Variants in TMEM276 observed in about 807,000 individuals in gnomAD.
The protein encoded by TMEM276 is transmembrane protein 276.
At chr8:144,466,967 G>T in the TMEM276 span, 1 of 1,594,236 alleles carries the variant, frequency 6.3e-7, no homozygotes. Flanking sequence ...AGCCAGCTCC[G>T]AGCCTGAGGA....
At chr8:144,466,917 A>C in the TMEM276 span, 8 of 1,571,666 alleles carry the variant, frequency 5.1e-6, no homozygotes, top group South Asian at 9.1e-5. Context: ...TGGCTCAAGC[A>C]CGTGACCCGA....
the TMEM276 span, chr8:144,466,604 G>C: frequency 1.1e-6 from 1 of 880,504 alleles, no homozygotes; most frequent in Non-Finnish European, 1.5e-6. Context: ...GGCGGGCACG[G>C]GGCGCGGGGC....
At chr8:144,466,631 G>C in the TMEM276 span, 1 of 915,636 alleles carries the variant, frequency 1.1e-6, no homozygotes, top group Non-Finnish European at 1.5e-6. Context: ...GCCGTGCCGA[G>C]GACCCTCGGC....
the TMEM276 span, chr8:144,464,345 A>C: frequency 6.2e-7 from 1 of 1,611,962 alleles, no homozygotes; most frequent in Non-Finnish European, 8.5e-7. Context: ...GCGACCACCA[A>C]CAGCATTGCC....
At chr8:144,464,229 C>G in the TMEM276 span, 2 of 1,613,086 alleles carry the variant, frequency 1.2e-6, no homozygotes, top group Non-Finnish European at 1.7e-6. Context: ...GCAGCAGCAG[C>G]CTGTCCTCCT....
chr8:144,464,066 C>T, the TMEM276 span: 3 of 1,558,254 alleles, frequency 1.9e-6, no homozygotes, highest in Non-Finnish European at 2.6e-6. Flanking sequence ...GCGCCAGGAG[C>T]AGGCAGGTGG....
the TMEM276 span, chr8:144,466,919 G>A: frequency 6.4e-7 from 1 of 1,572,812 alleles, no homozygotes; most frequent in South Asian, 1.1e-5. Flanking sequence ...GCTCAAGCAC[G>A]TGACCCGAAA....
the TMEM276 span, chr8:144,465,006 T>TCTAG: frequency 6.5e-7 from 1 of 1,542,234 alleles, no homozygotes; most frequent in Admixed American, 1.9e-5. Context: ...CGCGCGGCAC[T>TCTAG]CTAGTAAGCC....
the TMEM276 span, chr8:144,464,919 T>C: frequency 6.2e-7 from 1 of 1,610,088 alleles, no homozygotes; most frequent in Non-Finnish European, 8.5e-7. Context: ...CAGGCGGCAG[T>C]ATGTACGAGG....
chr8:144,464,489 G>A, the TMEM276 span: 1 of 1,612,256 alleles, frequency 6.2e-7, no homozygotes, highest in Admixed American at 1.7e-5. Context: ...AGAAGGGGAA[G>A]GCCGATGACG....
At chr8:144,464,771 T>A in the TMEM276 span, 1 of 1,609,450 alleles carries the variant, frequency 6.2e-7, no homozygotes, top group Admixed American at 1.7e-5. Flanking sequence ...GTTTGGGAGG[T>A]ATGGGGATGC....
the TMEM276 span, chr8:144,467,015 G>T: frequency 1.3e-6 from 2 of 1,597,124 alleles, no homozygotes; most frequent in Non-Finnish European, 1.7e-6. Flanking sequence ...CGCGGCCGCG[G>T]TGTCCCTGGA....
chr8:144,466,259 C>G, the TMEM276 span: 25 of 204,534 alleles, frequency 1.2e-4, no homozygotes, highest in Non-Finnish European at 9.6e-6. Flanking sequence ...GCACCTGTTT[C>G]TAGTACCCCC....
the TMEM276 span, chr8:144,466,941 C>T: frequency 1.5e-5 from 23 of 1,586,020 alleles, no homozygotes; most frequent in African/African-American, 1.6e-4. Context: ...GTCTCCCGCC[C>T]TCCTCCCTGA....
the TMEM276 span, chr8:144,464,239 T>G: frequency 1.2e-6 from 2 of 1,612,552 alleles, no homozygotes; most frequent in Non-Finnish European, 1.7e-6. Context: ...CCTGTCCTCC[T>G]CCAGCCGGCT....
the TMEM276 span, chr8:144,466,404 G>C: frequency 8.3e-7 from 1 of 1,210,286 alleles, no homozygotes; most frequent in Non-Finnish European, 1.1e-6. Flanking sequence ...GGGGCCCTCT[G>C]CCGCCCCGCG....
chr8:144,463,976 G>A, the TMEM276 span: 4 of 1,507,054 alleles, frequency 2.7e-6, no homozygotes, highest in South Asian at 1.3e-5. Context: ...CCAAAGGACA[G>A]CACCCAGACT....
the TMEM276 span, chr8:144,464,228 G>A: frequency 6.2e-7 from 1 of 1,613,042 alleles, no homozygotes; most frequent in Non-Finnish European, 8.5e-7. Context: ...AGCAGCAGCA[G>A]CCTGTCCTCC....
chr8:144,463,959 C>A, the TMEM276 span: 2 of 1,493,440 alleles, frequency 1.3e-6, no homozygotes, highest in Non-Finnish European at 1.8e-6. Context: ...CAAGTCCCCA[C>A]ACGTGGCCAA....
Sources: gnomAD v4.1 joint callset for allele counts on GRCh38, gnomAD v4.1.1 for gene constraint, MANE v1.5 for transcripts, NCBI Gene and HGNC (gene_info 2026-07-23, HGNC 2026-07-21) for gene names.